The following SLC26A5 variants were observed in gnomAD, a reference collection of about 807,000 sequenced individuals.
The protein encoded by SLC26A5 is prestin.
In SLC26A5, 51 loss-of-function variants were observed where a neutral mutation model predicts 81.0. That is an observed-to-expected ratio of 0.63 (90% CI 0.50 to 0.80). SLC26A5 has a LOEUF of 0.80. Ranked by LOEUF, SLC26A5 falls within the 30% of genes least tolerant of loss-of-function variation. The pLI is 0.00. For synonymous variants in SLC26A5, 325 were observed against 332.8 expected (o/e 0.98, Z 0.25); for missense variants, 771 against 905.8 (o/e 0.85, Z 1.91).
chr7:103,419,979 G>A (rs1825213671), intron 4 of SLC26A5, among the ~76,000 whole-genome samples: 1 of 152,170 alleles, frequency 6.6e-6, no homozygotes, highest in South Asian at 2.1e-4. Context: ...CATGAGGACA[G>A]TGAGCCAGAT....
At chr7:103,359,414 G>A (rs868055583) in intron 19 of SLC26A5, among the ~76,000 whole-genome samples, 2 of 151,968 alleles carry the variant, frequency 1.3e-5, no homozygotes, top group African/African-American at 4.8e-5. Flanking sequence ...ATTGTGCATT[G>A]ATCATCACTA....
intron 14 of SLC26A5, among the ~76,000 whole-genome samples, chr7:103,383,610 C>G (rs925525958): frequency 3.3e-5 from 5 of 152,170 alleles, no homozygotes; most frequent in Admixed American, 6.5e-5. Context: ...ACCTTGCTTA[C>G]ACCTGTTGAG....
intron 8 of SLC26A5, among the ~76,000 whole-genome samples, chr7:103,401,967 A>T (rs1380798776): frequency 1.3e-5 from 2 of 152,152 alleles, no homozygotes; most frequent in African/African-American, 4.8e-5. Flanking sequence ...CCAGTATTTT[A>T]TTGAGGATTT....
chr7:103,404,549 C>T (rs959375269), intron 8 of SLC26A5, among the ~76,000 whole-genome samples: 8 of 152,130 alleles, frequency 5.3e-5, no homozygotes, highest in Non-Finnish European at 1.0e-4. Context: ...CAGATAGATC[C>T]GCTATTAGTC....
chr7:103,376,673 A>T, intron 19 of SLC26A5, 135 bp downstream of exon 19: 1 of 691,764 alleles, frequency 1.4e-6, no homozygotes, highest in Non-Finnish European at 2.4e-6. Flanking sequence ...AGCTGGCTTT[A>T]GAGTGATTTT....
intron 8 of SLC26A5, among the ~76,000 whole-genome samples, chr7:103,405,509 C>A (rs1429054161): frequency 6.6e-6 from 1 of 152,148 alleles, no homozygotes; most frequent in African/African-American, 2.4e-5. Context: ...GTATCACCAG[C>A]GAAGGCTGCA....
At chr7:103,387,992 A>G (rs544662235) in intron 14 of SLC26A5, among the ~76,000 whole-genome samples, 2 of 151,918 alleles carry the variant, frequency 1.3e-5, no homozygotes, top group South Asian at 4.2e-4. Flanking sequence ...AGTCCAGGCT[A>G]TTTCTATGAC....
At chr7:103,408,774 A>G (rs1272053598) in intron 7 of SLC26A5, among the ~76,000 whole-genome samples, 2 of 152,166 alleles carry the variant, frequency 1.3e-5, no homozygotes, top group Admixed American at 1.3e-4. Context: ...TAGGAGAACT[A>G]GAGAACAAAT....
chr7:103,361,367 A>G (rs1820391738), intron 19 of SLC26A5, among the ~76,000 whole-genome samples: 1 of 145,698 alleles, frequency 6.9e-6, no homozygotes. Flanking sequence ...AAAATTAGCT[A>G]GGCATGGTGG....
intron 8 of SLC26A5, among the ~76,000 whole-genome samples, chr7:103,398,676 T>C (rs967598920): frequency 6.6e-6 from 1 of 152,128 alleles, no homozygotes; most frequent in Non-Finnish European, 1.5e-5. Flanking sequence ...AAAGGTGAGA[T>C]AGCAATTTGC....
Position 103,443,219 on chromosome 7 carries a change from T to C in SLC26A5, c.-182-8A>G, listed in dbSNP as rs1050164044. ...AGAGCTCGCTCCTTGGCCCTATGTA[T>C]AGAAGAAGAAAAGGAAGTTAATTCA... On this transcript the variant is annotated splice_region_variant and splice_polypyrimidine_tract_variant and intron_variant, in intron 1 of 19. Transcript: ENST00000306312. 6.6e-6 allele frequency: 1 copy of C among 152,196 alleles called. No homozygotes were observed. The highest frequency in any genetic ancestry group is 2.4e-5 in the African/African-American group (1 of 41,426). 9.4% of individuals were successfully genotyped at this position (152,196 alleles called of 1,614,324 possible). A position where few individuals can be genotyped will look rare whatever the true frequency, so the allele number is the denominator to read the frequency against.
At chr7:103,383,757 CT>C (rs1322876314) in intron 14 of SLC26A5, among the ~76,000 whole-genome samples, 2 of 152,142 alleles carry the variant, frequency 1.3e-5, no homozygotes, top group African/African-American at 4.8e-5. Context: ...TCACTGTAGC[CT>C]TGAACTCCTA....
At chr7:103,383,766 C>CACTGCAAGAAT (rs1821973079) in intron 14 of SLC26A5, among the ~76,000 whole-genome samples, 1 of 152,128 alleles carries the variant, frequency 6.6e-6, no homozygotes, top group East Asian at 1.9e-4. Flanking sequence ...CCTTGAACTC[C>CACTGCAAGAAT]TAGGCTCTAG....
At chr7:103,436,014 A>G (rs571004922) in intron 2 of SLC26A5, among the ~76,000 whole-genome samples, 1 of 152,280 alleles carries the variant, frequency 6.6e-6, no homozygotes, top group East Asian at 1.9e-4. Context: ...TAAAATATAT[A>G]GGTGTATGGA....
chr7:103,425,900 C>T (rs1562799941), intron 2 of SLC26A5, among the ~76,000 whole-genome samples: 3 of 152,088 alleles, frequency 2.0e-5, no homozygotes. Context: ...GGATTGAGAG[C>T]TTAAGAAGCT....
At chr7:103,407,706 T>G (rs1014433444) in intron 8 of SLC26A5, 145 bp downstream of exon 8, 5 of 880,968 alleles carry the variant, frequency 5.7e-6, no homozygotes, top group Non-Finnish European at 8.7e-6. Context: ...TTCTTGTCAA[T>G]GAATTTGTCA....
rs972447286 is a variant in SLC26A5 at position 103,378,429 on chromosome 7, A to G, written c.1785+17T>C. On this transcript the variant is annotated intron_variant, in intron 17 of 19. Transcript: ENST00000306312. ...GAACAAGACAGAACGGATTATTTCAATGAAAAGACCACTCACTGCTTTGAC... is the reference window on the plus strand; with the variant it reads ...GAACAAGACAGAACGGATTATTTCAGTGAAAAGACCACTCACTGCTTTGAC... The G allele has an allele frequency of 1.2e-6, 2 of 1,609,800 alleles. No individual in the cohort carries two copies. Among genetic ancestry groups the G allele is most frequent in the Non-Finnish European group, 1.7e-6 (2 of 1,176,036 alleles).
chr7:103,400,912 A>G (rs1012514259), intron 8 of SLC26A5, among the ~76,000 whole-genome samples: 4 of 152,052 alleles, frequency 2.6e-5, no homozygotes, highest in African/African-American at 9.7e-5. Context: ...TCTGTTCCAC[A>G]GGTCTATATA....
At chr7:103,424,223 C>T (rs1161846225) in intron 2 of SLC26A5, among the ~76,000 whole-genome samples, 1 of 152,198 alleles carries the variant, frequency 6.6e-6, no homozygotes, top group Non-Finnish European at 1.5e-5. Context: ...AACCCTTGTT[C>T]TGTCTTCTGC....
Sources: allele counts gnomAD v4.1 joint callset (sites outside exome capture counted in the v4.1 genomes callset), GRCh38; gene constraint gnomAD v4.1.1; transcripts MANE v1.5; gene names NCBI Gene and HGNC (gene_info 2026-07-23, HGNC 2026-07-21).